INPP4B: variants seen among roughly 807,000 people sequenced by gnomAD.
INPP4B encodes inositol polyphosphate 4-phosphatase type II.
In INPP4B, 55 loss-of-function variants were observed where a neutral mutation model predicts 122.5. That is an observed-to-expected ratio of 0.45 (90% CI 0.36 to 0.56). The LOEUF (loss-of-function observed/expected upper bound fraction) is 0.56, where lower values mean the gene tolerates loss of function less well. Among genes scored for constraint, INPP4B ranks in the 20% least tolerant of loss-of-function variants. INPP4B has a pLI of 0.00. For synonymous variants in INPP4B, 403 were observed against 388.7 expected (o/e 1.04, Z -0.43); for missense variants, 1,000 against 1,097.7 (o/e 0.91, Z 1.26).
chr4:142,238,031 A>G lies in INPP4B; in HGVS notation c.689-20T>C, dbSNP rs1368358935. 7.6e-7 allele frequency: 1 copy of G among 1,313,974 alleles called. No individual in the cohort carries two copies. The highest frequency in any genetic ancestry group is 1.1e-6 in the Non-Finnish European group (1 of 932,028). 81.4% of individuals were successfully genotyped at this position (1,313,974 alleles called of 1,614,324 possible). A position where few individuals can be genotyped will look rare whatever the true frequency, so the allele number is the denominator to read the frequency against. On this transcript the variant is annotated intron_variant, in intron 11 of 25. Coordinates refer to ENST00000262992, the MANE Select transcript of INPP4B (RefSeq NM_001101669.3). Reference sequence around the variant, plus strand: ...TTAACACTGGAAAAAAAAAGAAAAAATAATAGTTAAATTCTAAGCAAATGC... The same window carrying G: ...TTAACACTGGAAAAAAAAAGAAAAAGTAATAGTTAAATTCTAAGCAAATGC...
At chr4:142,451,692 C>T (rs568376003) in intron 3 of INPP4B, among the ~76,000 whole-genome samples, 17 of 152,224 alleles carry the variant, frequency 1.1e-4, no homozygotes, top group African/African-American at 1.2e-4. Flanking sequence ...AGTCAAGAAA[C>T]GATTCCAAAT....
chr4:142,736,331 T>C (rs1009968829), intron 1 of INPP4B, among the ~76,000 whole-genome samples: 2 of 152,186 alleles, frequency 1.3e-5, no homozygotes, highest in Non-Finnish European at 2.9e-5. Context: ...AATTTTTTTT[T>C]ACCACTAAGT....
At chr4:142,350,017 T>G (rs1375514356) in intron 7 of INPP4B, among the ~76,000 whole-genome samples, 1 of 152,020 alleles carries the variant, frequency 6.6e-6, no homozygotes, top group Non-Finnish European at 1.5e-5. Context: ...AAAATAGTCT[T>G]GCTTTAGGAC....
intron 2 of INPP4B, among the ~76,000 whole-genome samples, chr4:142,703,642 A>G (rs1275663979): frequency 6.6e-6 from 1 of 152,216 alleles, no homozygotes. Context: ...TTAATTTACT[A>G]CAGCATGTCT....
intron 12 of INPP4B, among the ~76,000 whole-genome samples, chr4:142,226,915 A>G (rs1299521091): frequency 6.6e-6 from 1 of 152,208 alleles, no homozygotes; most frequent in East Asian, 1.9e-4. Flanking sequence ...GAACTGAGAT[A>G]GGAACTAATT....
intron 2 of INPP4B, among the ~76,000 whole-genome samples, chr4:142,672,191 A>T (rs1461666718): frequency 6.6e-6 from 1 of 152,192 alleles, no homozygotes; most frequent in Non-Finnish European, 1.5e-5. Flanking sequence ...GATGCTGTAA[A>T]TATTCATTTA....
rs534015699 is a variant in INPP4B at position 142,181,241 on chromosome 4, C to T, written c.1182-7432G>A. On this transcript the variant is annotated intron_variant, in intron 15 of 25. Coordinates refer to ENST00000262992, the MANE Select transcript of INPP4B (RefSeq NM_001101669.3). ...ATTGAAGTTCCTTCCATTCCTGAGA[C>T]GAAGGGAAAAGGATGGCACATTGCA... 1.8e-4 allele frequency among the ~76,000 whole-genome samples: 27 copies of T among 152,158 alleles called. No individual in the cohort carries two copies. In the South Asian group the frequency reaches 2.1e-3, roughly 12 times the overall value.
intron 15 of INPP4B, among the ~76,000 whole-genome samples, chr4:142,192,412 G>A (rs1474357215): frequency 6.9e-6 from 1 of 144,380 alleles, no homozygotes; most frequent in African/African-American, 2.5e-5. Context: ...TTCATACCTG[G>A]ATAATGCACT....
At chr4:142,805,956 A>G (rs1778621586) in intron 1 of INPP4B, among the ~76,000 whole-genome samples, 1 of 152,166 alleles carries the variant, frequency 6.6e-6, no homozygotes, top group Non-Finnish European at 1.5e-5. Context: ...GAGAGTATGA[A>G]TAAGTATGTC....
chr4:142,665,929 G>T (rs1755968922), intron 2 of INPP4B, among the ~76,000 whole-genome samples: 1 of 152,052 alleles, frequency 6.6e-6, no homozygotes, highest in Admixed American at 6.5e-5. Flanking sequence ...TTATGATAAG[G>T]TTTAATTTAT....
chr4:142,535,150 T>A (rs1828036463), intron 2 of INPP4B, among the ~76,000 whole-genome samples: 1 of 152,204 alleles, frequency 6.6e-6, no homozygotes, highest in African/African-American at 2.4e-5. Context: ...AGGCACTTCA[T>A]GAGTCAGTTG....
chr4:142,204,546 A>G (rs1304340088), intron 14 of INPP4B, among the ~76,000 whole-genome samples: 1 of 152,016 alleles, frequency 6.6e-6, no homozygotes, highest in African/African-American at 2.4e-5. Flanking sequence ...GTTTACTTGT[A>G]CCTCGCAAGA....
intron 8 of INPP4B, among the ~76,000 whole-genome samples, chr4:142,307,529 T>A (rs1463895957): frequency 1.3e-5 from 2 of 152,214 alleles, no homozygotes; most frequent in East Asian, 3.8e-4. Context: ...GCATAGACAC[T>A]GGCCTTTAAG....
chr4:142,367,340 T>C (rs1561943118), intron 7 of INPP4B, among the ~76,000 whole-genome samples: 1 of 151,860 alleles, frequency 6.6e-6, no homozygotes, highest in Non-Finnish European at 1.5e-5. Context: ...TTCCCTAGAC[T>C]TCCCCCTAAT....
At position 142,162,318 on chromosome 4, in the gene INPP4B, T is replaced by TA. The variant is rs1256843734; in HGVS notation, c.1360-1758dup. On this transcript the variant is annotated intron_variant, in intron 16 of 25. Transcript: ENST00000262992. ...AGTATTAAAATGAGAATGAAAGATA[T>TA]AAAAAAACTGATGGAAAAATTGGCT... Among the ~76,000 whole-genome samples the TA allele has an allele frequency of 4.6e-5, 7 of 151,410 alleles. No individual in the cohort carries two copies. The South Asian group carries it at 1.0e-3, about 22-fold the overall frequency.
intron 1 of INPP4B, among the ~76,000 whole-genome samples, chr4:142,845,598 G>A (rs1178246352): frequency 1.3e-5 from 2 of 152,118 alleles, no homozygotes; most frequent in Non-Finnish European, 2.9e-5. Context: ...AGTTGTTGAG[G>A]GTGGGATGAA....
At chr4:142,645,207 T>C (rs1370311045) in intron 2 of INPP4B, among the ~76,000 whole-genome samples, 2 of 152,164 alleles carry the variant, frequency 1.3e-5, no homozygotes, top group Admixed American at 6.5e-5. Flanking sequence ...AAATTTATAA[T>C]CAATAGAATT....
intron 3 of INPP4B, among the ~76,000 whole-genome samples, chr4:142,454,202 T>C (rs1814909292): frequency 6.6e-6 from 1 of 152,102 alleles, no homozygotes; most frequent in Non-Finnish European, 1.5e-5. Flanking sequence ...CAGAAGTGAG[T>C]AAATATCATG....
At chr4:142,629,721 T>C (rs990216605) in intron 2 of INPP4B, among the ~76,000 whole-genome samples, 3 of 152,216 alleles carry the variant, frequency 2.0e-5, no homozygotes, top group African/African-American at 7.2e-5. Context: ...GGGGCAATAG[T>C]AAAATACAAT....
Sources: allele counts gnomAD v4.1 joint callset (sites outside exome capture counted in the v4.1 genomes callset), GRCh38; gene constraint gnomAD v4.1.1; transcripts MANE v1.5; gene names NCBI Gene and HGNC (gene_info 2026-07-23, HGNC 2026-07-21).